The following DACT2 variants were observed in gnomAD, a reference collection of about 807,000 sequenced individuals.
DACT2 encodes the protein dishevelled binding antagonist of beta catenin 2.
Under a neutral mutation model 22.2 loss-of-function variants are expected in DACT2, and 20 were observed. That is an observed-to-expected ratio of 0.90 (90% confidence interval 0.63 to 1.31). The LOEUF (loss-of-function observed/expected upper bound fraction) is 1.31. DACT2 is among the 50% of genes most tolerant of loss of function. The probability of loss-of-function intolerance (pLI) is 0.00; values close to 1 mark genes in which losing one functional copy is unlikely to be tolerated. For missense variants in DACT2, 1,048 were observed against 1,061.4 expected (o/e 0.99, Z 0.18); for synonymous variants, 463 against 479.8 (o/e 0.96, Z 0.46).
exon 6 of DACT2, chr6:168,293,925 G>T (rs1051036532): frequency 1.8e-5 from 13 of 703,348 alleles, no homozygotes; most frequent in Non-Finnish European, 3.4e-5. Context: ...TGATGATTTT[G>T]TCTTTGAACT....
chr6:168,311,419 G>A lies in DACT2; in HGVS notation c.247-135C>T, dbSNP rs185379026. Reference sequence around the variant, plus strand: ...CACGCGAAATACATCTTCTAAATCCGGCAGCTGCCCCTGCTCACTCTGAAG... The same window carrying A: ...CACGCGAAATACATCTTCTAAATCCAGCAGCTGCCCCTGCTCACTCTGAAG... On this transcript the variant is annotated intron_variant, in intron 1 of 3. Transcript: ENST00000366795. 547 of 1,187,732 alleles carry A rather than the reference G, an allele frequency of 4.6e-4. 3 individuals carry two copies. The African/African-American group carries it at 7.1e-3, about 15-fold the overall frequency. The allele number at this position is 1,187,732 out of a possible 1,614,324, so 73.6% of individuals were successfully genotyped here. A position where few individuals can be genotyped will look rare whatever the true frequency, so the allele number is the denominator to read the frequency against.
Position 168,319,527 on chromosome 6 carries a change from C to A in DACT2, c.107G>T (p.Arg36Leu). The A allele has an allele frequency of 7.3e-7, 1 of 1,365,020 alleles. No homozygotes were observed. Among genetic ancestry groups the A allele is most frequent in the South Asian group, 1.6e-5 (1 of 62,240 alleles). 84.6% of individuals were successfully genotyped at this position (1,365,020 alleles called of 1,614,324 possible). ...FAGLQELQGL[R>L]ATQQERVRGA... ...CCGTACCCGCTCCTGCTGCGTGGCT[C>A]GCAGCCCCTGCAGCTCCTGCAGCCC... The change falls in exon 1 of 4, where the codon CGA becomes CTA. Residue 36 changes from arginine to leucine, a missense_variant. By Grantham distance (102) the Arg-to-Leu change is moderately radical. Coordinates refer to ENST00000366795, the MANE Select transcript of DACT2 (RefSeq NM_214462.5).
intron 4 of DACT2, chr6:168,294,502 A>ATG: frequency 2.0e-6 from 1 of 489,718 alleles, no homozygotes; most frequent in South Asian, 2.1e-5. Context: ...CCGGTGTGTG[A>ATG]TGTTCCCCTT....
At chr6:168,298,050 T>C (rs536021782) in intron 3 of DACT2, 3 of 152,332 alleles carry the variant, frequency 2.0e-5, no homozygotes, top group Admixed American at 6.5e-5. Flanking sequence ...CCTGATGTAA[T>C]ATTGAGTGAA....
exon 4 of DACT2, chr6:168,294,694 A>G (rs774725423): frequency 2.0e-6 from 3 of 1,498,274 alleles, no homozygotes; most frequent in Non-Finnish European, 2.7e-6. Context: ...CACCTGGAGC[A>G]TTGCACAGCT....
At chr6:168,313,233 C>T (rs1019861153) in intron 1 of DACT2, among the ~76,000 whole-genome samples, 6 of 152,062 alleles carry the variant, frequency 3.9e-5, no homozygotes, top group Admixed American at 6.6e-5. Flanking sequence ...TTAGTAGAGA[C>T]GGGGTTTCAC....
chr6:168,295,365 G>T (rs931996548), intron 3 of DACT2, among the ~76,000 whole-genome samples: 2 of 152,180 alleles, frequency 1.3e-5, no homozygotes, highest in Non-Finnish European at 1.5e-5. Context: ...CAGACACTCT[G>T]CCTGGTTTGA....
At chr6:168,303,441 C>G (rs183104729), downstream of DACT2, among the ~76,000 whole-genome samples, 271 of 152,232 alleles carry the variant, frequency 1.8e-3, no homozygotes, top group African/African-American at 6.2e-3. Context: ...GCCTAGTTCC[C>G]GAGAGAGCAG....
chr6:168,319,188 G>T (rs1779584277), intron 1 of DACT2, among the ~76,000 whole-genome samples, 200 bp downstream of exon 1: 1 of 152,048 alleles, frequency 6.6e-6, no homozygotes, highest in Non-Finnish European at 1.5e-5. Context: ...CCTCACCTGT[G>T]CGCTTCACCT....
downstream of DACT2, among the ~76,000 whole-genome samples, chr6:168,306,504 G>T (rs191412966): frequency 1.3e-5 from 2 of 151,300 alleles, no homozygotes; most frequent in East Asian, 3.9e-4. Flanking sequence ...GTGCAGTGGC[G>T]CAATCTTGGC....
chr6:168,319,364 C>T lies in DACT2; in HGVS notation c.246+24G>A, dbSNP rs951004502. 48 of 1,196,352 alleles carry T rather than the reference C, an allele frequency of 4.0e-5. No homozygotes were observed. The African/African-American group carries it at 6.7e-4, about 17-fold the overall frequency. The allele number at this position is 1,196,352 out of a possible 1,614,324, so 74.1% of individuals were successfully genotyped here. On this transcript the variant is annotated intron_variant, in intron 1 of 3. Coordinates refer to ENST00000366795, the MANE Select transcript of DACT2 (RefSeq NM_214462.5). ...CTGTGGCCCGCACACCTCGCAGCCC[C>T]GAGTCCCGGCGCCCGGTCCTTACCA...
At position 168,308,136 on chromosome 6, in the gene DACT2, T is replaced by G. The variant is rs10945501; in HGVS notation, c.1621A>C (p.Thr541Pro). 614,322 of 1,548,660 alleles carry G rather than the reference T, an allele frequency of 0.4. 127,478 individuals carry two copies. The highest frequency in any genetic ancestry group is 0.73 in the African/African-American group (53,139 of 72,996). Residue 541 changes from threonine to proline, a missense_variant, in exon 4 of 4, where the codon ACA (threonine) becomes CCA (proline). Physicochemically the swap from Thr to Pro is conservative, Grantham distance 38. Coordinates refer to ENST00000366795, the MANE Select transcript of DACT2 (RefSeq NM_214462.5). Reference protein sequence around the residue: ...SLEWDPAHWPTGRGGLQRRPA... With the variant: ...SLEWDPAHWPPGRGGLQRRPA... ...CTCCGCTGGAGCCCGCCCCTCCCTG[T>G]GGGCCAGTGGGCAGGGTCCCACTCC...
At position 168,308,551 on chromosome 6, in the gene DACT2, C is replaced by CCTGCCCCTG; in HGVS notation, c.1205_1206insCAGGGGCAG (p.Gly402_Pro403insArgGlyArg). 6.6e-7 allele frequency: 1 copy of CCTGCCCCTG among 1,518,130 alleles called. No individual in the cohort carries two copies. 94.0% of individuals were successfully genotyped at this position (1,518,130 alleles called of 1,614,324 possible). A position where few individuals can be genotyped will look rare whatever the true frequency, so the allele number is the denominator to read the frequency against. The stretch of plus-strand genomic sequence containing the variant: ...GGGGCATGTATCCCTGCTGCTGGGG[C>CCTGCCCCTG]CCGCCCCTGCCGGCACCCCTGCTCT... On this transcript the variant is annotated inframe_insertion, in exon 4 of 4. Coordinates refer to ENST00000366795, the MANE Select transcript of DACT2 (RefSeq NM_214462.5).
downstream of DACT2, among the ~76,000 whole-genome samples, chr6:168,305,840 T>C (rs889707633): frequency 4.6e-5 from 7 of 152,172 alleles, no homozygotes; most frequent in African/African-American, 1.7e-4. Context: ...AATGCAGGTG[T>C]TTAGAAAGCT....
At chr6:168,310,063 G>T in intron 3 of DACT2, 105 bp downstream of exon 3, 21 of 1,461,864 alleles carry the variant, frequency 1.4e-5, no homozygotes, top group Non-Finnish European at 1.9e-5. Flanking sequence ...GCCTGACAGC[G>T]TGCTCCGTGT....
At chr6:168,296,057 CGGTG>C (rs1779002714) in intron 3 of DACT2, among the ~76,000 whole-genome samples, 16 of 109,362 alleles carry the variant, frequency 1.5e-4, no homozygotes, top group African/African-American at 7.0e-4. Flanking sequence ...CCATCCACAG[CGGTG>C]AGGAGATGGT....
In DACT2 at chr6:168,319,438, C is replaced by A; in HGVS notation, c.196G>T (p.Gly66Cys). The stretch of plus-strand genomic sequence containing the variant: ...GCCGCCTCCAGCTGCTGCTCGGGGC[C>A]GTGGAGGCCGTGGGGGCCGCAGGGC... ...AAPCGPHGLHGPEQQLEAALA... is the reference protein window; with the variant it reads ...AAPCGPHGLHCPEQQLEAALA... The change falls in exon 1 of 4, where the codon GGC becomes TGC. Residue 66 changes from glycine to cysteine, a missense_variant. Physicochemically the swap from Gly to Cys is radical, Grantham distance 159. Transcript: ENST00000366795. 8.3e-7 allele frequency: 1 copy of A among 1,204,696 alleles called. No homozygotes were observed. Among genetic ancestry groups the A allele is most frequent in the South Asian group, 4.1e-5 (1 of 24,102 alleles). 74.6% of individuals were successfully genotyped at this position (1,204,696 alleles called of 1,614,324 possible). A position where few individuals can be genotyped will look rare whatever the true frequency, so the allele number is the denominator to read the frequency against.
exon 6 of DACT2, chr6:168,293,478 T>TA (rs11412578): frequency 0.15 from 23,781 of 161,864 alleles, 2,737 homozygotes; most frequent in East Asian, 0.65. Context: ...GAAGGGGCTT[T>TA]AAAAAAAAAT....
chr6:168,308,129 C>A lies in DACT2; in HGVS notation c.1628G>T (p.Arg543Met). The A allele has an allele frequency of 6.5e-7, 1 of 1,548,758 alleles. No individual in the cohort carries two copies. Among genetic ancestry groups the A allele is most frequent in the Non-Finnish European group, 8.7e-7 (1 of 1,145,594 alleles). Residue 543 changes from arginine to methionine, a missense_variant, in exon 4 of 4, where the codon AGG (arginine) becomes ATG (methionine). Arg to Met is a moderately conservative substitution (Grantham distance 91). Coordinates refer to ENST00000366795, the MANE Select transcript of DACT2 (RefSeq NM_214462.5). ...EWDPAHWPTG[R>M]GGLQRRPALA... ...GGCTGGCCTCCGCTGGAGCCCGCCC[C>A]TCCCTGTGGGCCAGTGGGCAGGGTC...
Sources: gnomAD v4.1 joint callset for allele counts (sites outside exome capture counted in the v4.1 genomes callset) on GRCh38, gnomAD v4.1.1 for gene constraint, MANE v1.5 for transcripts, NCBI Gene and HGNC (gene_info 2026-07-23, HGNC 2026-07-21) for gene names.